Variants in SCARA5 observed in about 807,000 individuals in gnomAD.
SCARA5 encodes scavenger receptor class A member 5.
SCARA5 carries 45 observed loss-of-function variants against 46.3 expected under a neutral mutation model. That is an observed-to-expected ratio of 0.97 (90% CI 0.76 to 1.24). The LOEUF (loss-of-function observed/expected upper bound fraction) is 1.24, where lower values mean the gene tolerates loss of function less well. SCARA5 is among the 50% of genes most tolerant of loss of function. SCARA5 has a pLI of 0.00. For missense variants in SCARA5, 680 were observed against 689.0 expected (o/e 0.99, Z 0.15); for synonymous variants, 333 against 306.5 (o/e 1.09, Z -0.90).
At chr8:27,905,007 C>A (rs960071384) in intron 6 of SCARA5, among the ~76,000 whole-genome samples, 173 bp from the exon 7 acceptor site, 1 of 152,112 alleles carries the variant, frequency 6.6e-6, no homozygotes, top group Admixed American at 6.6e-5. Context: ...CTGCCATCTG[C>A]CCTGGGTACC....
chr8:27,923,944 T>A (rs1377848546), intron 3 of SCARA5, among the ~76,000 whole-genome samples: 1 of 152,174 alleles, frequency 6.6e-6, no homozygotes, highest in Admixed American at 6.5e-5. Flanking sequence ...CACCCCTTCC[T>A]CTTGGAGGGT....
At position 27,966,406 on chromosome 8, in the gene SCARA5, G is replaced by T; in HGVS notation, c.241+8C>A. 3 of 1,602,078 alleles carry T rather than the reference G, an allele frequency of 1.9e-6. No individual in the cohort carries two copies. Among genetic ancestry groups the T allele is most frequent in the Non-Finnish European group, 2.6e-6 (3 of 1,176,244 alleles). On this transcript the variant is annotated splice_region_variant and intron_variant, in intron 3 of 8. Transcript: ENST00000354914. ...CAAAAGACCAGGACAAAAATGGCCT[G>T]CTCTTACCTGCTAAGATGAAGATGC... is the stretch of plus-strand genomic sequence containing the variant.
At chr8:27,932,327 G>T (rs1337809760) in intron 3 of SCARA5, among the ~76,000 whole-genome samples, 1 of 152,178 alleles carries the variant, frequency 6.6e-6, no homozygotes, top group Admixed American at 6.5e-5. Context: ...AAATTACGAA[G>T]CTGGTCCTGA....
chr8:27,956,798 G>C (rs1374318913), intron 3 of SCARA5, among the ~76,000 whole-genome samples: 1 of 152,164 alleles, frequency 6.6e-6, no homozygotes, highest in Non-Finnish European at 1.5e-5. Flanking sequence ...GCTCGTTGTT[G>C]GCACCTGGTA....
intron 2 of SCARA5, among the ~76,000 whole-genome samples, chr8:27,979,589 C>G (rs1004198854): frequency 6.6e-6 from 1 of 151,436 alleles, no homozygotes; most frequent in Non-Finnish European, 1.5e-5. Flanking sequence ...AGTTGTACTC[C>G]GTTGCCCAGG....
In SCARA5 at chr8:27,905,875, T is replaced by C. The variant is rs942327848; in HGVS notation, c.1097-1041A>G. Among the ~76,000 whole-genome samples the C allele has an allele frequency of 2.6e-5, 4 of 151,988 alleles. No individual in the cohort carries two copies. The East Asian group carries it at 7.7e-4, about 29-fold the overall frequency. ...ACAGGTGTGCCCCAACATGCCTGGC[T>C]AAGTTTTGTATTTTTGGTAGAGATG... On this transcript the variant is annotated intron_variant, in intron 6 of 8. Coordinates refer to ENST00000354914, the MANE Select transcript of SCARA5 (RefSeq NM_173833.6).
At chr8:27,968,990 T>G (rs1808409502) in intron 2 of SCARA5, among the ~76,000 whole-genome samples, 1 of 152,210 alleles carries the variant, frequency 6.6e-6, no homozygotes, top group South Asian at 2.1e-4. Flanking sequence ...GGTTACTTTG[T>G]GCATTAAACC....
Position 27,904,817 on chromosome 8 carries a change from C to T in SCARA5, c.1114G>A (p.Gly372Arg), listed in dbSNP as rs780575297. Residue 372 changes from glycine (G) to arginine (R), a missense_variant, in exon 7 of 9, where the codon GGA becomes AGA. Around this residue, in one of 3 missense-constraint regions of SCARA5, gnomAD observed 219 missense variants for 269.5 expected, o/e 0.81. Coordinates refer to ENST00000354914, the MANE Select transcript of SCARA5 (RefSeq NM_173833.6). ...CTGTCTCCTTTCTCTCCTTTCTCTC[C>T]TTTTGGGCCTCGGTCACCTAAAACA... ...RGFKGDRGPK[G>R]EKGEKGDRAG... is the part of the protein sequence containing the mutation. 1.2e-6 allele frequency: 2 copies of T among 1,612,314 alleles called. No homozygotes were observed. Among genetic ancestry groups the T allele is most frequent in the Non-Finnish European group, 1.7e-6 (2 of 1,179,074 alleles).
chr8:27,889,964 A>G (rs1028954337), intron 7 of SCARA5, among the ~76,000 whole-genome samples: 3 of 152,176 alleles, frequency 2.0e-5, no homozygotes, highest in South Asian at 2.1e-4. Context: ...TATTTTATCA[A>G]TGTCTGTGTT....
chr8:27,929,575 A>G (rs762255818), intron 3 of SCARA5, among the ~76,000 whole-genome samples: 2 of 152,188 alleles, frequency 1.3e-5, no homozygotes, highest in Non-Finnish European at 2.9e-5. Flanking sequence ...AAGTATGCTG[A>G]ATCTCATTTA....
chr8:27,964,627 C>T (rs1206875852), intron 3 of SCARA5, among the ~76,000 whole-genome samples: 1 of 152,120 alleles, frequency 6.6e-6, no homozygotes, highest in Admixed American at 6.5e-5. Context: ...TAACATCCAC[C>T]TGTTGGTCCT....
rs77934746 is a variant in SCARA5, at chr8:27,923,420, A to G, written c.242-1175T>C. ...CTGACGTGAAATTATCAAGCTTTCCATTCTCCAACAGCCCTGTCTCAATAC... is the reference window on the plus strand; with the variant it reads ...CTGACGTGAAATTATCAAGCTTTCCGTTCTCCAACAGCCCTGTCTCAATAC... On this transcript the variant is annotated intron_variant, in intron 3 of 8. Transcript: ENST00000354914. Among the ~76,000 whole-genome samples, 562 of 152,334 alleles carry G rather than the reference A, an allele frequency of 3.7e-3. 5 individuals are homozygous for G. Among genetic ancestry groups the G allele is most frequent in the African/African-American group, 0.013 (531 of 41,578 alleles).
At chr8:27,914,354 A>G (rs1367622006) in intron 4 of SCARA5, among the ~76,000 whole-genome samples, 1 of 152,248 alleles carries the variant, frequency 6.6e-6, no homozygotes. Context: ...TTAGTGTACC[A>G]TGGGCAGAGC....
chr8:27,905,563 G>A (rs901022196), intron 6 of SCARA5, among the ~76,000 whole-genome samples: 1 of 134,920 alleles, frequency 7.4e-6, no homozygotes. Flanking sequence ...TACATATATA[G>A]GAATATGCTC....
intron 2 of SCARA5, among the ~76,000 whole-genome samples, chr8:27,971,077 T>C (rs1238518674): frequency 1.3e-5 from 2 of 152,196 alleles, no homozygotes; most frequent in African/African-American, 2.4e-5. Flanking sequence ...CAACTGCCCA[T>C]CTCCCAGGCC....
intron 7 of SCARA5, 85 bp downstream of exon 7, chr8:27,904,693 G>A: frequency 1.6e-6 from 2 of 1,246,368 alleles, no homozygotes; most frequent in Non-Finnish European, 2.4e-6. Context: ...TCCAGCCTCT[G>A]AACCTCCAAA....
At chr8:27,953,684 G>A (rs375623573) in intron 3 of SCARA5, among the ~76,000 whole-genome samples, 3 of 152,186 alleles carry the variant, frequency 2.0e-5, no homozygotes, top group Non-Finnish European at 2.9e-5. Context: ...GATGCATGGC[G>A]AAGCCCAAAG....
chr8:27,943,148 G>A (rs1487534939), intron 3 of SCARA5, among the ~76,000 whole-genome samples: 1 of 152,172 alleles, frequency 6.6e-6, no homozygotes, highest in African/African-American at 2.4e-5. Flanking sequence ...GGTGGGGTGT[G>A]TTAGGAGGTT....
chr8:27,900,181 C>T (rs999872119), intron 7 of SCARA5, among the ~76,000 whole-genome samples: 1 of 151,846 alleles, frequency 6.6e-6, no homozygotes, highest in Non-Finnish European at 1.5e-5. Flanking sequence ...AAAAAAGGTG[C>T]AGTCGCTGTG....
Sources: gnomAD v4.1 joint callset for allele counts (sites outside exome capture counted in the v4.1 genomes callset) on GRCh38, gnomAD v4.1.1 for gene constraint, gnomAD v4.1.1 regional missense constraint, MANE v1.5 for transcripts, NCBI Gene and HGNC (gene_info 2026-07-23, HGNC 2026-07-21) for gene names.